Variants in ARHGAP6 observed in about 807,000 individuals in gnomAD.
ARHGAP6 encodes the protein rho GTPase-activating protein 6.
ARHGAP6 carries 16 observed loss-of-function variants against 55.7 expected under a neutral mutation model. The observed-to-expected ratio is 0.29, with a 90% CI of 0.19 to 0.44. ARHGAP6 has a LOEUF of 0.44. Among genes scored for constraint, ARHGAP6 ranks in the 20% least tolerant of loss-of-function variants. The pLI is 1.00. For missense variants in ARHGAP6, 698 were observed against 808.9 expected, an observed-to-expected ratio of 0.86 and a Z score of 1.66; for synonymous variants, 382 against 360.9, an observed-to-expected ratio of 1.06 and a Z score of -0.66.
intron 1 of ARHGAP6, among the ~76,000 whole-genome samples, chrX:11,656,884 C>T (rs1353128779): frequency 4.5e-5 from 5 of 112,328 alleles, no homozygotes; most frequent in African/African-American, 1.6e-4. Flanking sequence ...ACAGTCCTCT[C>T]GTCAAAATGC....
intron 10 of ARHGAP6, among the ~76,000 whole-genome samples, chrX:11,153,214 G>A (rs1327758713): frequency 9.0e-6 from 1 of 111,312 alleles, no homozygotes; most frequent in African/African-American, 3.3e-5. Context: ...AAGATCTGGT[G>A]ATACCCATGC....
chrX:11,544,970 G>A (rs1293566206), intron 1 of ARHGAP6, among the ~76,000 whole-genome samples: 1 of 112,411 alleles, frequency 8.9e-6, no homozygotes, highest in Non-Finnish European at 1.9e-5. Flanking sequence ...CAAAAAATAT[G>A]TAGATAGTTC....
chrX:11,557,006 A>G (rs2051325838), intron 1 of ARHGAP6, among the ~76,000 whole-genome samples: 1 of 111,864 alleles, frequency 8.9e-6, no homozygotes, highest in Non-Finnish European at 1.9e-5. Context: ...CCCCTTGGAC[A>G]CTGCTATTGA....
chrX:11,435,286 C>CAATGACAA lies in ARHGAP6; in HGVS notation c.589-180580_589-180579insTTGTCATT, dbSNP rs745535373. On this transcript the variant is annotated intron_variant, in intron 1 of 12. Transcript: ENST00000337414. ...TAATTCTAATAAATCAGAATCTAAG[C>CAATGACAA]ATCAGACTGGGACTTTTTTCATTAT... Among the ~76,000 whole-genome samples, 10 of 112,558 alleles carry CAATGACAA rather than the reference C, an allele frequency of 8.9e-5. No individual in the cohort carries two copies. The South Asian group carries it at 3.3e-3, about 37-fold the overall frequency.
At chrX:11,361,615 C>T (rs1256019018) in intron 1 of ARHGAP6, among the ~76,000 whole-genome samples, 5 of 110,016 alleles carry the variant, frequency 4.5e-5, no homozygotes, top group African/African-American at 1.6e-4. Flanking sequence ...ATGTCTAAAA[C>T]ACCAAAAGCA....
At chrX:11,391,482 G>GA (rs771990257) in intron 1 of ARHGAP6, among the ~76,000 whole-genome samples, 1,921 of 95,014 alleles carry the variant, frequency 0.02, 21 homozygotes, top group South Asian at 0.027. Flanking sequence ...GAAAAGAAAA[G>GA]AAAAAAAAAA....
At chrX:11,465,814 A>G (rs1046436266) in intron 1 of ARHGAP6, among the ~76,000 whole-genome samples, 2 of 112,324 alleles carry the variant, frequency 1.8e-5, no homozygotes, top group Non-Finnish European at 3.8e-5. Flanking sequence ...CAAAAGCCAC[A>G]TGGTAGTCAG....
At chrX:11,249,702 T>A (rs1375113520) in intron 2 of ARHGAP6, among the ~76,000 whole-genome samples, 3 of 112,569 alleles carry the variant, frequency 2.7e-5, no homozygotes, top group Admixed American at 9.4e-5. Context: ...ATTTTAGATT[T>A]TCTTTTTATA....
chrX:11,499,064 C>G (rs2050651786), intron 1 of ARHGAP6, among the ~76,000 whole-genome samples: 1 of 112,081 alleles, frequency 8.9e-6, no homozygotes, highest in Admixed American at 9.5e-5. Flanking sequence ...AAGCACTTCT[C>G]CCCTTCCCTG....
intron 1 of ARHGAP6, among the ~76,000 whole-genome samples, chrX:11,549,642 C>G (rs987443458): frequency 8.9e-6 from 1 of 111,958 alleles, no homozygotes; most frequent in Non-Finnish European, 1.9e-5. Context: ...TTCTGCATTT[C>G]TCAGAAGCTT....
chrX:11,656,092 G>A (rs948705553), intron 1 of ARHGAP6, among the ~76,000 whole-genome samples: 2 of 112,360 alleles, frequency 1.8e-5, no homozygotes, highest in Admixed American at 9.4e-5. Flanking sequence ...AAGTGAGAAG[G>A]AGAGGAAACA....
Position 11,665,043 on chromosome X carries a change from T to C in ARHGAP6, c.-215A>G, listed in dbSNP as rs2147214424. 1 of 370,756 alleles carries C rather than the reference T, an allele frequency of 2.7e-6. No homozygotes were observed. The highest frequency in any genetic ancestry group is 4.6e-5 in the East Asian group (1 of 21,570). 30.6% of individuals were successfully genotyped at this position (370,756 alleles called of 1,213,427 possible). The stretch of plus-strand genomic sequence containing the variant: ...AGCAGCAGATCCATCACCAGCCTTC[T>C]AGGAAAATGGGTCTGGGGACCTCCT... On this transcript the variant is annotated 5_prime_UTR_variant, in exon 1 of 13. Coordinates refer to ENST00000337414, the MANE Select transcript of ARHGAP6 (RefSeq NM_013427.3).
chrX:11,305,677 A>T (rs748364172), intron 1 of ARHGAP6, among the ~76,000 whole-genome samples: 3 of 112,022 alleles, frequency 2.7e-5, no homozygotes, highest in Non-Finnish European at 3.8e-5. Context: ...TTAGTCTGGG[A>T]TAAGTTCTGT....
intron 4 of ARHGAP6, among the ~76,000 whole-genome samples, chrX:11,187,861 T>G (rs974642397): frequency 8.1e-5 from 9 of 110,992 alleles, no homozygotes; most frequent in Non-Finnish European, 1.3e-4. Context: ...AGACCACATC[T>G]CTACTAAAAA....
chrX:11,358,646 AT>A (rs755597673), intron 1 of ARHGAP6, among the ~76,000 whole-genome samples: 1 of 109,765 alleles, frequency 9.1e-6, no homozygotes, highest in South Asian at 3.9e-4. Flanking sequence ...CACCCAGCTA[AT>A]TTTTTGTATT....
chrX:11,583,495 G>A (rs1301491869), intron 1 of ARHGAP6, among the ~76,000 whole-genome samples: 4 of 112,450 alleles, frequency 3.6e-5, no homozygotes, highest in Non-Finnish European at 1.9e-5. Flanking sequence ...GCTCATGTCA[G>A]CATGGAATGA....
chrX:11,356,615 T>C (rs2048933833), intron 1 of ARHGAP6, among the ~76,000 whole-genome samples: 1 of 111,640 alleles, frequency 9.0e-6, no homozygotes, highest in Non-Finnish European at 1.9e-5. Flanking sequence ...GTGGGTTTTT[T>C]TCTTAAATCT....
At chrX:11,632,180 G>A (rs975954887) in intron 1 of ARHGAP6, among the ~76,000 whole-genome samples, 22 of 112,364 alleles carry the variant, frequency 2.0e-4, no homozygotes, top group Non-Finnish European at 3.6e-4. Context: ...CTTAAAACAT[G>A]CAGGTATTTG....
chrX:11,219,916 G>T (rs1377861081), intron 2 of ARHGAP6, among the ~76,000 whole-genome samples: 7 of 99,165 alleles, frequency 7.1e-5, no homozygotes, highest in Non-Finnish European at 1.0e-4. Flanking sequence ...GTCAATTTTG[G>T]CTTTTGTTGC....
Sources: allele counts gnomAD v4.1 joint callset (sites outside exome capture counted in the v4.1 genomes callset), GRCh38; gene constraint gnomAD v4.1.1; transcripts MANE v1.5; gene names NCBI Gene and HGNC (gene_info 2026-07-23, HGNC 2026-07-21).